Variants in CHRM3 observed in about 807,000 individuals in gnomAD.
CHRM3 encodes cholinergic receptor muscarinic 3.
A neutral mutation model predicts 41.8 loss-of-function variants in CHRM3; 11 were observed. That is an observed-to-expected ratio of 0.26 (90% CI 0.17 to 0.44). CHRM3 has a LOEUF of 0.44. Ranked by LOEUF, CHRM3 falls within the 20% of genes least tolerant of loss-of-function variation. The probability of loss-of-function intolerance (pLI) is 1.00; values close to 1 mark genes in which losing one functional copy is unlikely to be tolerated. For synonymous variants in CHRM3, 297 were observed against 301.4 expected, an observed-to-expected ratio of 0.99 and a Z score of 0.15; for missense variants, 571 against 745.4, an observed-to-expected ratio of 0.77 and a Z score of 2.72.
At chr1:239,433,684 C>T (rs1319948956) in intron 1 of CHRM3, among the ~76,000 whole-genome samples, 3 of 151,922 alleles carry the variant, frequency 2.0e-5, no homozygotes, top group Admixed American at 2.0e-4. Flanking sequence ...AGCTTAGCTC[C>T]TACTTATGAA....
chr1:239,721,786 C>T (rs1012723207), intron 5 of CHRM3, among the ~76,000 whole-genome samples: 4 of 151,758 alleles, frequency 2.6e-5, no homozygotes, highest in African/African-American at 7.3e-5. Flanking sequence ...TATATGCACT[C>T]GTGTGTATCA....
intron 1 of CHRM3, among the ~76,000 whole-genome samples, chr1:239,446,044 T>C (rs546955328): frequency 6.6e-6 from 1 of 152,076 alleles, no homozygotes; most frequent in African/African-American, 2.4e-5. Flanking sequence ...TTCAAGCAAT[T>C]CTCCTGCCTC....
intron 3 of CHRM3, among the ~76,000 whole-genome samples, chr1:239,618,161 T>C (rs1667843582): frequency 1.3e-5 from 2 of 151,956 alleles, no homozygotes; most frequent in Admixed American, 6.6e-5. Flanking sequence ...TTAATGTGTA[T>C]CTGTCTGGGC....
intron 4 of CHRM3, among the ~76,000 whole-genome samples, chr1:239,641,894 T>C (rs1402135794): frequency 1.9e-4 from 24 of 128,402 alleles, no homozygotes; most frequent in African/African-American, 7.2e-4. Flanking sequence ...GATTTTGCAG[T>C]GGCTGGTACC....
At chr1:239,783,145 C>T (rs1387394049) in intron 5 of CHRM3, among the ~76,000 whole-genome samples, 1 of 151,890 alleles carries the variant, frequency 6.6e-6, no homozygotes, top group Non-Finnish European at 1.5e-5. Context: ...CAACTATGTC[C>T]TTTCTGATTT....
In CHRM3 at chr1:239,774,596, TAAATA is replaced by T. The variant is rs560706008; in HGVS notation, c.-146-52649_-146-52645del. Among the ~76,000 whole-genome samples the T allele has an allele frequency of 3.4e-3, 514 of 152,336 alleles. 2 individuals carry two copies. Among genetic ancestry groups the T allele is most frequent in the African/African-American group, 0.012 (500 of 41,568 alleles). On this transcript the variant is annotated intron_variant, in intron 5 of 6. Coordinates refer to ENST00000676153, the MANE Select transcript of CHRM3 (RefSeq NM_001375978.1). ...TCATCAACAATGACACACATTTCAT[TAAATA>T]AAATAATGAGTCTGAGAGATTGCAT...
In CHRM3 at chr1:239,734,623, T is replaced by G. The variant is rs559666661; in HGVS notation, c.-147+56335T>G. On this transcript the variant is annotated intron_variant, in intron 5 of 6. Coordinates refer to ENST00000676153, the MANE Select transcript of CHRM3 (RefSeq NM_001375978.1). ...ATCCTTTTTGAAGAAGTCCAGTGAATAACTGATGATAACATTTATTATATA... is the reference window on the plus strand; with the variant it reads ...ATCCTTTTTGAAGAAGTCCAGTGAAGAACTGATGATAACATTTATTATATA... Among the ~76,000 whole-genome samples, 4 of 152,270 alleles carry G rather than the reference T, an allele frequency of 2.6e-5. No homozygotes were observed. In the East Asian group the frequency reaches 7.7e-4, roughly 29 times the overall value.
intron 5 of CHRM3, among the ~76,000 whole-genome samples, chr1:239,781,974 G>A (rs779839170): frequency 5.3e-5 from 8 of 151,964 alleles, no homozygotes; most frequent in Non-Finnish European, 8.8e-5. Flanking sequence ...TCACTTGGTC[G>A]TATTGTATAT....
At chr1:239,579,414 C>T (rs542885301) in intron 3 of CHRM3, among the ~76,000 whole-genome samples, 1 of 152,238 alleles carries the variant, frequency 6.6e-6, no homozygotes, top group African/African-American at 2.4e-5. Flanking sequence ...AAAACTGTAA[C>T]AGCATGTGTC....
In CHRM3 at chr1:239,387,557, C is replaced by T. The variant is rs1489369099; in HGVS notation, c.-521+330C>T. 6.6e-6 allele frequency among the ~76,000 whole-genome samples: 1 copy of T among 151,986 alleles called. No homozygotes were observed. Among genetic ancestry groups the T allele is most frequent in the African/African-American group, 2.4e-5 (1 of 41,392 alleles). ...GGCCGGGAGAGAGTCGGGGACGTCC[C>T]ACCCCGCTCTCCCTCGCTTCGATTC... On this transcript the variant is annotated intron_variant, in intron 1 of 6. Coordinates refer to ENST00000676153, the MANE Select transcript of CHRM3 (RefSeq NM_001375978.1). The surrounding 1 kb of genome is among the most constrained non-coding windows in gnomAD (Gnocchi z 5.1).
At chr1:239,701,749 C>T (rs545421859) in intron 5 of CHRM3, among the ~76,000 whole-genome samples, 1 of 152,280 alleles carries the variant, frequency 6.6e-6, no homozygotes, top group South Asian at 2.1e-4. Context: ...TCATTCCTTC[C>T]TAACCCACCC....
At position 239,658,489 on chromosome 1, in the gene CHRM3, A is replaced by G. The variant is rs901776362; in HGVS notation, c.-249-19697A>G. ...GCCTAATGCAAGATAACATTTTTCA[A>G]TTGCATGCTGTAACTTAGCAGTTGG... On this transcript the variant is annotated intron_variant, in intron 4 of 6. Transcript: ENST00000676153. Among the ~76,000 whole-genome samples, 19 of 152,304 alleles carry G rather than the reference A, an allele frequency of 1.2e-4. 1 individual carries two copies. The East Asian group carries it at 3.5e-3, about 28-fold the overall frequency.
intron 6 of CHRM3, among the ~76,000 whole-genome samples, chr1:239,836,770 G>C (rs571332621): frequency 1.3e-5 from 2 of 152,286 alleles, no homozygotes; most frequent in African/African-American, 4.8e-5. Context: ...AAGATCAAGA[G>C]ATCGAGACCA....
Position 239,908,846 on chromosome 1 carries a change from G to C in CHRM3, c.1395G>C (p.Lys465Asn), listed in dbSNP as rs1323678827. The C allele has an allele frequency of 5.0e-6, 8 of 1,614,050 alleles. No homozygotes were observed. Among genetic ancestry groups the C allele is most frequent in the Non-Finnish European group, 6.8e-6 (8 of 1,180,056 alleles). ...PLSFKEATLAKRFALKTRSQI... is the reference protein window; with the variant it reads ...PLSFKEATLANRFALKTRSQI... ...CCTTCAAGGAAGCCACTCTGGCCAAGAGGTTTGCTCTGAAGACCAGAAGTC... is the reference window on the plus strand; with the variant it reads ...CCTTCAAGGAAGCCACTCTGGCCAACAGGTTTGCTCTGAAGACCAGAAGTC... The change falls in exon 7 of 7, where the codon AAG becomes AAC. Residue 465 changes from lysine (K) to asparagine (N), a missense_variant. Lys to Asn is a moderately conservative substitution (Grantham distance 94). This residue lies in a region of CHRM3 where 239 missense variants were observed against 239.6 expected (regional missense o/e 1.00). Coordinates refer to ENST00000676153, the MANE Select transcript of CHRM3 (RefSeq NM_001375978.1). The surrounding 1 kb of genome is among the most constrained non-coding windows in gnomAD (Gnocchi z 7.2).
chr1:239,673,044 G>A (rs1401691629), intron 4 of CHRM3, among the ~76,000 whole-genome samples: 1 of 152,150 alleles, frequency 6.6e-6, no homozygotes, highest in African/African-American at 2.4e-5. Context: ...TGAGACAGAA[G>A]CAGCACCCCC....
intron 3 of CHRM3, among the ~76,000 whole-genome samples, chr1:239,552,546 C>T (rs1346062672): frequency 6.8e-6 from 1 of 147,470 alleles, no homozygotes; most frequent in Non-Finnish European, 1.5e-5. Context: ...ACTGCAGCCT[C>T]AACCTTTTGG....
chr1:239,797,527 T>G (rs569572232), intron 5 of CHRM3, among the ~76,000 whole-genome samples: 1 of 152,148 alleles, frequency 6.6e-6, no homozygotes, highest in Non-Finnish European at 1.5e-5. Flanking sequence ...AATGACTTTA[T>G]GTGTTTGATG....
intron 1 of CHRM3, among the ~76,000 whole-genome samples, chr1:239,394,714 T>C (rs1043802128): frequency 3.9e-5 from 6 of 152,326 alleles, no homozygotes; most frequent in South Asian, 2.1e-4. Context: ...CCCCTTTATA[T>C]TGAGCCAAAA....
chr1:239,515,910 C>A (rs1669234227), intron 2 of CHRM3, among the ~76,000 whole-genome samples: 1 of 152,212 alleles, frequency 6.6e-6, no homozygotes, highest in Admixed American at 6.5e-5. Context: ...GGAGCATGAG[C>A]TATGAAATTA....
Sources: gnomAD v4.1 joint callset for allele counts (sites outside exome capture counted in the v4.1 genomes callset) on GRCh38, gnomAD v4.1.1 for gene constraint, gnomAD v4.1.1 regional missense constraint, Gnocchi (gnomAD v3.1) non-coding constraint, MANE v1.5 for transcripts, NCBI Gene and HGNC (gene_info 2026-07-23, HGNC 2026-07-21) for gene names.